The following BEND6 variants were observed in gnomAD, a reference collection of about 807,000 sequenced individuals.
The protein encoded by BEND6 is BEN domain-containing protein 6.
In BEND6, 24 loss-of-function variants were observed where a neutral mutation model predicts 31.8. The observed-to-expected ratio is 0.75, with a 90% CI of 0.55 to 1.06. BEND6 has a LOEUF of 1.06. BEND6 is among the 50% of genes least tolerant of loss of function. The pLI is 0.00. For synonymous variants in BEND6, 109 were observed against 114.6 expected (o/e 0.95, Z 0.31); for missense variants, 294 against 327.4 (o/e 0.90, Z 0.79).
At chr6:57,018,177 G>A (rs1827628006) in intron 5 of BEND6, among the ~76,000 whole-genome samples, 1 of 152,084 alleles carries the variant, frequency 6.6e-6, no homozygotes, top group Non-Finnish European at 1.5e-5. Flanking sequence ...GCAAGTAGGA[G>A]GATTAAAGTT....
intron 1 of BEND6, among the ~76,000 whole-genome samples, chr6:56,955,714 G>C (rs916663065): frequency 6.6e-6 from 1 of 152,194 alleles, no homozygotes; most frequent in Admixed American, 6.5e-5. Flanking sequence ...CTAAAACCCT[G>C]ACTCATTTAG....
intron 2 of BEND6, among the ~76,000 whole-genome samples, chr6:56,990,621 A>C (rs1252101920): frequency 2.0e-5 from 3 of 152,038 alleles, no homozygotes; most frequent in African/African-American, 7.2e-5. Context: ...CTAGATTTTT[A>C]ATAAGCCTTT....
intron 1 of BEND6, among the ~76,000 whole-genome samples, chr6:56,980,481 A>G (rs556190160): frequency 2.0e-5 from 3 of 152,252 alleles, no homozygotes; most frequent in South Asian, 4.1e-4. Context: ...GAGCCACTGC[A>G]TGTGGCTTGA....
At chr6:57,023,897 C>T (rs964274446) in intron 6 of BEND6, among the ~76,000 whole-genome samples, 1 of 152,024 alleles carries the variant, frequency 6.6e-6, no homozygotes, top group African/African-American at 2.4e-5. Context: ...TACTGTCTTC[C>T]TTTGTGGTTA....
chr6:57,018,973 C>G (rs1380656921), intron 6 of BEND6, among the ~76,000 whole-genome samples: 1 of 152,222 alleles, frequency 6.6e-6, no homozygotes, highest in African/African-American at 2.4e-5. Flanking sequence ...GAGATTTAGA[C>G]CCTTGGGAAA....
chr6:56,973,575 CCTCT>C (rs754740269), intron 1 of BEND6, among the ~76,000 whole-genome samples: 17 of 152,182 alleles, frequency 1.1e-4, no homozygotes, highest in Non-Finnish European at 8.8e-5. Context: ...ATGTGGTCTT[CCTCT>C]CTCTCAAAAT....
At chr6:56,961,489 A>G (rs1825283733) in intron 1 of BEND6, among the ~76,000 whole-genome samples, 1 of 152,172 alleles carries the variant, frequency 6.6e-6, no homozygotes, top group Admixed American at 6.5e-5. Flanking sequence ...TGTGTTAACA[A>G]TCTAGGACCA....
chr6:57,015,070 A>G (rs1827486992), intron 3 of BEND6, 63 bp from the exon 4 acceptor site: 2 of 1,412,088 alleles, frequency 1.4e-6, no homozygotes, highest in South Asian at 2.6e-5. Flanking sequence ...CAACAAAAAA[A>G]TATGTACATA....
intron 3 of BEND6, chr6:57,010,531 A>G: frequency 3.7e-6 from 1 of 273,958 alleles, no homozygotes; most frequent in Non-Finnish European, 5.6e-6. Flanking sequence ...AGATGCCTAC[A>G]GAAATATTTA....
At chr6:57,026,011 T>G (rs544761674) in intron 6 of BEND6, 71 bp from the exon 7 acceptor site, 17 of 152,310 alleles carry the variant, frequency 1.1e-4, no homozygotes, top group Admixed American at 9.2e-4. Context: ...AACAAATAAC[T>G]CATATAACTG....
intron 1 of BEND6, among the ~76,000 whole-genome samples, chr6:56,965,561 A>G (rs965369347): frequency 1.3e-5 from 2 of 151,690 alleles, no homozygotes; most frequent in Admixed American, 6.6e-5. Context: ...AAAATGCATT[A>G]TAAAATCAGA....
At position 56,965,164 on chromosome 6, in the gene BEND6, A is replaced by G. The variant is rs115404541; in HGVS notation, c.-101+9704A>G. Among the ~76,000 whole-genome samples the G allele has an allele frequency of 6.5e-3, 995 of 152,324 alleles. 10 individuals carry two copies. The highest frequency in any genetic ancestry group is 0.023 in the African/African-American group (957 of 41,574). On this transcript the variant is annotated intron_variant, in intron 1 of 6. Coordinates refer to ENST00000370746, the MANE Select transcript of BEND6 (RefSeq NM_152731.3). ...AGGGATAGGGAAATAACTTGATAAA[A>G]TGTGTAATGTAGCTGATCATTTGTT... is the stretch of plus-strand genomic sequence containing the variant.
chr6:56,994,619 T>C (rs961823269), intron 3 of BEND6, among the ~76,000 whole-genome samples: 2 of 152,164 alleles, frequency 1.3e-5, no homozygotes, highest in African/African-American at 2.4e-5. Context: ...CAATATATGA[T>C]TTCCTTGTTG....
At chr6:56,967,096 T>C (rs1825509275) in intron 1 of BEND6, among the ~76,000 whole-genome samples, 1 of 152,026 alleles carries the variant, frequency 6.6e-6, no homozygotes, top group Admixed American at 6.6e-5. Context: ...GGTGGAAGTA[T>C]TGGCAACGGA....
chr6:57,025,443 T>C (rs915530205), intron 6 of BEND6, among the ~76,000 whole-genome samples: 2 of 152,236 alleles, frequency 1.3e-5, no homozygotes, highest in Admixed American at 1.3e-4. Flanking sequence ...AACTGGTGCC[T>C]TAAGCCCAAG....
At chr6:57,013,018 C>T (rs1331723504) in intron 3 of BEND6, among the ~76,000 whole-genome samples, 1 of 152,176 alleles carries the variant, frequency 6.6e-6, no homozygotes, top group Non-Finnish European at 1.5e-5. Flanking sequence ...GCTTGCCCCA[C>T]CCAAGTCAAG....
chr6:56,994,580 G>T (rs1188432344), intron 3 of BEND6, among the ~76,000 whole-genome samples: 2 of 151,080 alleles, frequency 1.3e-5, no homozygotes, highest in Admixed American at 6.6e-5. Flanking sequence ...CCCCCACTAA[G>T]GTTTCCTCAT....
At chr6:57,019,931 A>T (rs1443012337) in intron 6 of BEND6, among the ~76,000 whole-genome samples, 1 of 152,080 alleles carries the variant, frequency 6.6e-6, no homozygotes, top group Non-Finnish European at 1.5e-5. Context: ...CATCTTTATA[A>T]AATACGGAAG....
intron 1 of BEND6, among the ~76,000 whole-genome samples, chr6:56,956,693 A>T (rs1157752491): frequency 1.3e-5 from 2 of 152,236 alleles, no homozygotes; most frequent in East Asian, 3.8e-4. Flanking sequence ...GAATTCCAGG[A>T]TAGGCTTCAT....
Sources: gnomAD v4.1 joint callset for allele counts (sites outside exome capture counted in the v4.1 genomes callset) on GRCh38, gnomAD v4.1.1 for gene constraint, MANE v1.5 for transcripts, NCBI Gene and HGNC (gene_info 2026-07-23, HGNC 2026-07-21) for gene names.